Variants in SPAG16 observed in about 807,000 individuals in gnomAD.
SPAG16 encodes sperm-associated antigen 16 protein.
In SPAG16, 86 loss-of-function variants were observed where a neutral mutation model predicts 80.4. The ratio of observed to expected loss-of-function variants is 1.07; its 90% CI spans 0.90 to 1.28. The LOEUF (loss-of-function observed/expected upper bound fraction) is 1.28. Among genes scored for constraint, SPAG16 ranks in the 50% most tolerant of loss-of-function variants. The pLI, the probability that SPAG16 is intolerant of heterozygous loss-of-function variation, is 0.00. For synonymous variants in SPAG16, 294 were observed against 265.9 expected (o/e 1.11, Z -1.03); for missense variants, 870 against 765.3 (o/e 1.14, Z -1.61).
At chr2:213,675,875 T>C (rs2064041527) in intron 10 of SPAG16, among the ~76,000 whole-genome samples, 1 of 151,774 alleles carries the variant, frequency 6.6e-6, no homozygotes, top group Non-Finnish European at 1.5e-5. Flanking sequence ...GCGGGCTCTT[T>C]TTTGGTTCCA....
chr2:213,745,025 TCAAACATAAATTCACCTACA>T (rs1375245829), intron 10 of SPAG16, among the ~76,000 whole-genome samples: 1 of 152,226 alleles, frequency 6.6e-6, no homozygotes, highest in Non-Finnish European at 1.5e-5. Context: ...CATTTGAAGA[TCAAACATAAATTCACCTACA>T]CAACTTTTCC....
At chr2:213,704,980 C>G (rs1003289550) in intron 10 of SPAG16, among the ~76,000 whole-genome samples, 3 of 152,118 alleles carry the variant, frequency 2.0e-5, no homozygotes. Context: ...AGGCTAGGCG[C>G]ATGGGCTTGC....
intron 10 of SPAG16, among the ~76,000 whole-genome samples, chr2:213,842,616 G>A (rs1020128874): frequency 6.6e-6 from 1 of 151,904 alleles, no homozygotes; most frequent in African/African-American, 2.4e-5. Context: ...TAGTTATTGT[G>A]GCTATCAGTG....
At chr2:214,210,734 A>T (rs998228733) in intron 15 of SPAG16, among the ~76,000 whole-genome samples, 2 of 152,134 alleles carry the variant, frequency 1.3e-5, no homozygotes, top group African/African-American at 4.8e-5. Flanking sequence ...AGAAACATGT[A>T]TAACTCAACA....
chr2:213,846,110 C>T (rs1035449228), intron 10 of SPAG16, among the ~76,000 whole-genome samples: 1 of 152,056 alleles, frequency 6.6e-6, no homozygotes, highest in East Asian at 1.9e-4. Flanking sequence ...TTAAAACATA[C>T]CAACAATGAT....
At chr2:214,151,189 G>A (rs2055957816) in intron 15 of SPAG16, among the ~76,000 whole-genome samples, 1 of 152,006 alleles carries the variant, frequency 6.6e-6, no homozygotes, top group South Asian at 2.1e-4. Context: ...TGAGAAATCT[G>A]TGCTTCTGTA....
intron 10 of SPAG16, among the ~76,000 whole-genome samples, chr2:213,678,565 T>G (rs1356794445): frequency 6.6e-6 from 1 of 152,178 alleles, no homozygotes; most frequent in East Asian, 1.9e-4. Context: ...TCGGTACACC[T>G]TCAGAATGGC....
intron 9 of SPAG16, among the ~76,000 whole-genome samples, chr2:213,428,818 A>G (rs112138199): frequency 0.023 from 3,525 of 152,164 alleles, 58 homozygotes; most frequent in South Asian, 0.038. Context: ...AAGGCTGGGC[A>G]TGGTGGCTCA....
At chr2:213,379,909 C>G (rs1409284505) in intron 9 of SPAG16, among the ~76,000 whole-genome samples, 1 of 152,116 alleles carries the variant, frequency 6.6e-6, no homozygotes, top group African/African-American at 2.4e-5. Flanking sequence ...GGGAAAGAGG[C>G]TGAGTGGTGT....
intron 15 of SPAG16, among the ~76,000 whole-genome samples, chr2:214,318,564 T>TG (rs557227189): frequency 1.7e-3 from 264 of 151,832 alleles, no homozygotes; most frequent in African/African-American, 6.2e-3. Flanking sequence ...TGTAGAGAGA[T>TG]GGGGTCTCAC....
intron 15 of SPAG16, among the ~76,000 whole-genome samples, chr2:214,296,366 G>A (rs1694131963): frequency 6.6e-6 from 1 of 152,200 alleles, no homozygotes. Context: ...GAGTATGGGT[G>A]TCCTTTGGAT....
intron 15 of SPAG16, among the ~76,000 whole-genome samples, chr2:214,296,693 A>G (rs556915461): frequency 6.6e-6 from 1 of 152,252 alleles, no homozygotes; most frequent in African/African-American, 2.4e-5. Context: ...ACTTCTTTTG[A>G]GAAGTGTCTG....
chr2:213,907,729 G>A (rs566430208), intron 11 of SPAG16, among the ~76,000 whole-genome samples: 1 of 152,254 alleles, frequency 6.6e-6, no homozygotes, highest in African/African-American at 2.4e-5. Flanking sequence ...CAACATGTAT[G>A]AGCCTGGAGG....
intron 15 of SPAG16, among the ~76,000 whole-genome samples, chr2:214,162,281 A>G (rs1166714774): frequency 6.6e-6 from 1 of 152,158 alleles, no homozygotes; most frequent in Non-Finnish European, 1.5e-5. Flanking sequence ...AACTTGTGCA[A>G]TCACATTTAA....
chr2:213,368,559 G>C (rs557318721), intron 8 of SPAG16, among the ~76,000 whole-genome samples: 1 of 152,140 alleles, frequency 6.6e-6, no homozygotes. Context: ...TGGAAGTTCT[G>C]GCCAGGGCAA....
At chr2:214,378,692 GGA>G (rs1700273493) in intron 15 of SPAG16, among the ~76,000 whole-genome samples, 1 of 152,212 alleles carries the variant, frequency 6.6e-6, no homozygotes, top group Non-Finnish European at 1.5e-5. Flanking sequence ...ATTAGGAAAA[GGA>G]GAGAGGGGGT....
chr2:213,619,652 CA>C (rs2061706510), intron 10 of SPAG16, among the ~76,000 whole-genome samples: 1 of 151,862 alleles, frequency 6.6e-6, no homozygotes, highest in Non-Finnish European at 1.5e-5. Flanking sequence ...TAAAAAAAGA[CA>C]AAAAATAATA....
chr2:213,492,412 T>G (rs2074287258), intron 10 of SPAG16, among the ~76,000 whole-genome samples: 1 of 151,872 alleles, frequency 6.6e-6, no homozygotes, highest in African/African-American at 2.4e-5. Context: ...TAGCTGGGTG[T>G]GGTGGTGGGC....
intron 3 of SPAG16, among the ~76,000 whole-genome samples, chr2:213,306,281 C>G (rs1178217656): frequency 7.8e-6 from 1 of 128,058 alleles, no homozygotes; most frequent in Non-Finnish European, 1.7e-5. Flanking sequence ...TTTGAAAAAA[C>G]CAACATTTGT....
Sources: gnomAD v4.1 joint callset for allele counts (sites outside exome capture counted in the v4.1 genomes callset) on GRCh38, gnomAD v4.1.1 for gene constraint, MANE v1.5 for transcripts, NCBI Gene and HGNC (gene_info 2026-07-23, HGNC 2026-07-21) for gene names.